FHOD3: variants seen among roughly 807,000 people sequenced by gnomAD.
FHOD3 encodes FH1/FH2 domain-containing protein 3.
In FHOD3, 90 loss-of-function variants were observed where a neutral mutation model predicts 173.0. The ratio of observed to expected loss-of-function variants is 0.52; its 90% confidence interval spans 0.44 to 0.62. The LOEUF (loss-of-function observed/expected upper bound fraction) is 0.62. Ranked by LOEUF, FHOD3 falls within the 20% of genes least tolerant of loss-of-function variation. The pLI, the probability that FHOD3 is intolerant of heterozygous loss-of-function variation, is 0.00. For missense variants in FHOD3, 1,945 were observed against 2,034.7 expected (o/e 0.96, Z 0.85); for synonymous variants, 828 against 823.0 (o/e 1.01, Z -0.10).
At chr18:36,527,612 C>T (rs1190195778) in intron 5 of FHOD3, among the ~76,000 whole-genome samples, 1 of 152,138 alleles carries the variant, frequency 6.6e-6, no homozygotes, top group Non-Finnish European at 1.5e-5. Context: ...GGGTCTGAGA[C>T]CCTGGGGTGC....
chr18:36,594,525 A>T (rs1012126113), intron 6 of FHOD3, among the ~76,000 whole-genome samples: 1 of 152,130 alleles, frequency 6.6e-6, no homozygotes, highest in Non-Finnish European at 1.5e-5. Flanking sequence ...TCCTGGGTTC[A>T]TGTCCTGGTG....
intron 25 of FHOD3, among the ~76,000 whole-genome samples, chr18:36,757,596 C>T (rs987958320): frequency 1.3e-5 from 2 of 152,180 alleles, no homozygotes; most frequent in Non-Finnish European, 2.9e-5. Context: ...AGTAAGTCAC[C>T]TTGAATGTAC....
At chr18:36,487,490 G>T (rs1365752538) in intron 3 of FHOD3, among the ~76,000 whole-genome samples, 1 of 152,188 alleles carries the variant, frequency 6.6e-6, no homozygotes, top group Non-Finnish European at 1.5e-5. Flanking sequence ...TTCTCTGTAT[G>T]GACCCTTCTG....
intron 16 of FHOD3, among the ~76,000 whole-genome samples, chr18:36,687,960 A>G (rs992900504): frequency 6.6e-6 from 1 of 152,218 alleles, no homozygotes; most frequent in Non-Finnish European, 1.5e-5. Flanking sequence ...ATTACTTTAT[A>G]AGATTAAGAA....
rs748717740 is a variant in FHOD3 at position 36,585,860 on chromosome 18, A to G, written c.607-8927A>G. 1.1e-4 allele frequency among the ~76,000 whole-genome samples: 17 copies of G among 152,324 alleles called. 1 individual carries two copies. Among genetic ancestry groups the G allele is most frequent in the East Asian group, 3.9e-4 (2 of 5,184 alleles). On this transcript the variant is annotated intron_variant, in intron 6 of 28. Transcript: ENST00000590592. Reference sequence around the variant, plus strand: ...ACATTTAGGGAAATGCAGAAACACCAAAGTAGGCAGCATGCTGTTCCTTCC... The same window carrying G: ...ACATTTAGGGAAATGCAGAAACACCGAAGTAGGCAGCATGCTGTTCCTTCC...
Position 36,421,639 on chromosome 18 carries a change from G to A in FHOD3, c.337+48895G>A, listed in dbSNP as rs1251494848. 2.0e-5 allele frequency among the ~76,000 whole-genome samples: 3 copies of A among 152,218 alleles called. No individual in the cohort carries two copies. The East Asian group carries it at 5.8e-4, about 29-fold the overall frequency. ...TGTATAAAGGTAGCTCTGGGTCCAG[G>A]GGTGTTGCTGGCAGATTTTTTGAAA... On this transcript the variant is annotated intron_variant, in intron 3 of 28. Coordinates refer to ENST00000590592, the MANE Select transcript of FHOD3 (RefSeq NM_001281740.3).
At chr18:36,755,392 C>G in intron 25 of FHOD3, 81 bp downstream of exon 25, 5 of 462,072 alleles carry the variant, frequency 1.1e-5, no homozygotes, top group East Asian at 6.4e-5. Context: ...CAGTTAAAAG[C>G]TGTGCTTTTT....
chr18:36,570,409 CCTT>C (rs1333310380), intron 5 of FHOD3, among the ~76,000 whole-genome samples: 1 of 152,078 alleles, frequency 6.6e-6, no homozygotes, highest in Non-Finnish European at 1.5e-5. Context: ...TTGCAGTTAA[CCTT>C]CTTAACAAAA....
chr18:36,588,603 T>C (rs980106656), intron 6 of FHOD3, among the ~76,000 whole-genome samples: 3 of 152,226 alleles, frequency 2.0e-5, no homozygotes, highest in African/African-American at 7.2e-5. Context: ...GAAGAGAAAT[T>C]AGGAATTTGA....
At chr18:36,454,216 A>G (rs1277793250) in intron 3 of FHOD3, among the ~76,000 whole-genome samples, 4 of 151,194 alleles carry the variant, frequency 2.6e-5, no homozygotes, top group African/African-American at 9.7e-5. Context: ...GAGAGCTGGC[A>G]CACACACACA....
At chr18:36,741,098 A>AT (rs1021169258) in intron 21 of FHOD3, among the ~76,000 whole-genome samples, 25 of 151,198 alleles carry the variant, frequency 1.7e-4, no homozygotes, top group African/African-American at 3.9e-4. Context: ...AAACAATTAC[A>AT]TTTTTTTTTC....
intron 3 of FHOD3, among the ~76,000 whole-genome samples, chr18:36,470,997 A>T (rs1448922178): frequency 6.6e-6 from 1 of 152,152 alleles, no homozygotes; most frequent in Non-Finnish European, 1.5e-5. Flanking sequence ...TAGAGCAGAG[A>T]CCTCAGGGCT....
chr18:36,646,209 A>G (rs183613058), intron 10 of FHOD3, among the ~76,000 whole-genome samples: 2 of 152,320 alleles, frequency 1.3e-5, no homozygotes, highest in East Asian at 3.9e-4. Flanking sequence ...AAATTGCTGG[A>G]TACAAGCAAA....
At chr18:36,604,663 A>G (rs909573510) in intron 8 of FHOD3, among the ~76,000 whole-genome samples, 3 of 152,122 alleles carry the variant, frequency 2.0e-5, no homozygotes, top group Non-Finnish European at 4.4e-5. Flanking sequence ...AAGAAAAAAA[A>G]GAGAGAGAGA....
intron 5 of FHOD3, among the ~76,000 whole-genome samples, chr18:36,554,512 A>G (rs185905221): frequency 4.6e-5 from 7 of 151,718 alleles, no homozygotes; most frequent in African/African-American, 1.7e-4. Context: ...GAGGGATAAC[A>G]TTAGGAGATA....
At chr18:36,544,982 AG>A (rs1268019209) in intron 5 of FHOD3, among the ~76,000 whole-genome samples, 1 of 152,226 alleles carries the variant, frequency 6.6e-6, no homozygotes, top group Non-Finnish European at 1.5e-5. Context: ...CTCTAAAACT[AG>A]GGTAATACTG....
intron 3 of FHOD3, among the ~76,000 whole-genome samples, chr18:36,479,123 T>C (rs1268232541): frequency 6.6e-6 from 1 of 152,238 alleles, no homozygotes; most frequent in Non-Finnish European, 1.5e-5. Flanking sequence ...TTTGTTCAGT[T>C]GTTCACATGT....
At chr18:36,706,315 GA>G (rs1488123579) in intron 17 of FHOD3, among the ~76,000 whole-genome samples, 1 of 152,180 alleles carries the variant, frequency 6.6e-6, no homozygotes, top group Non-Finnish European at 1.5e-5. Flanking sequence ...GATGGCCTCA[GA>G]TTTGCAATCA....
At chr18:36,417,653 T>C (rs374855294) in intron 3 of FHOD3, among the ~76,000 whole-genome samples, 116 of 152,354 alleles carry the variant, frequency 7.6e-4, no homozygotes, top group African/African-American at 2.7e-3. Flanking sequence ...TGAGATCATA[T>C]ACCTTAGAAG....
Sources: allele counts gnomAD v4.1 joint callset (sites outside exome capture counted in the v4.1 genomes callset), GRCh38; gene constraint gnomAD v4.1.1; transcripts MANE v1.5; gene names NCBI Gene and HGNC (gene_info 2026-07-23, HGNC 2026-07-21).